SNX8: variants seen among roughly 807,000 people sequenced by gnomAD.
SNX8 encodes sorting nexin-8.
In SNX8, 25 loss-of-function variants were observed where a neutral mutation model predicts 51.6. The observed-to-expected ratio is 0.48, with a 90% confidence interval of 0.35 to 0.68. The LOEUF is 0.68. Ranked by LOEUF, SNX8 falls within the 30% of genes least tolerant of loss-of-function variation. The pLI is 0.00. For synonymous variants in SNX8, 324 were observed against 277.0 expected, an observed-to-expected ratio of 1.17 and a Z score of -1.68; for missense variants, 695 against 624.0, an observed-to-expected ratio of 1.11 and a Z score of -1.21.
upstream of SNX8, chr7:2,314,559 G>T: frequency 4.5e-6 from 4 of 884,432 alleles, no homozygotes; most frequent in Non-Finnish European, 5.6e-6. Context: ...CGCCCCTGCG[G>T]GCCCGCCGCG....
chr7:2,267,940 T>G (rs1448901466), intron 5 of SNX8, among the ~76,000 whole-genome samples: 2 of 111,710 alleles, frequency 1.8e-5, no homozygotes, highest in African/African-American at 3.6e-5. Context: ...TAGTCTGAGA[T>G]GTGGGGAGCG....
chr7:2,299,751 C>T (rs760437915), intron 1 of SNX8, among the ~76,000 whole-genome samples: 1 of 151,980 alleles, frequency 6.6e-6, no homozygotes, highest in African/African-American at 2.4e-5. Flanking sequence ...TCTAGGGTCT[C>T]CTGACATGAA....
At chr7:2,263,788 A>G (rs1584671989) in intron 6 of SNX8, among the ~76,000 whole-genome samples, 1 of 151,774 alleles carries the variant, frequency 6.6e-6, no homozygotes, top group Non-Finnish European at 1.5e-5. Flanking sequence ...ATCTCGGCTC[A>G]CTGCAACCTC....
At chr7:2,306,772 C>T (rs1039622078) in intron 1 of SNX8, among the ~76,000 whole-genome samples, 4 of 152,142 alleles carry the variant, frequency 2.6e-5, no homozygotes, top group Non-Finnish European at 5.9e-5. Context: ...GTGGTTGTAT[C>T]ACTTGTATAA....
At chr7:2,329,631 G>A (rs1027986622) in intron 1 of SNX8, among the ~76,000 whole-genome samples, 24 of 152,156 alleles carry the variant, frequency 1.6e-4, no homozygotes, top group Non-Finnish European at 5.9e-5. Flanking sequence ...CCCAGACTGT[G>A]TCCAGCCCTA....
intron 1 of SNX8, among the ~76,000 whole-genome samples, chr7:2,352,581 C>T (rs1779170173): frequency 6.6e-6 from 1 of 152,054 alleles, no homozygotes; most frequent in Non-Finnish European, 1.5e-5. Flanking sequence ...ACCTGTAATC[C>T]CAGCACTTTG....
At chr7:2,340,331 C>A (rs1778898361) in intron 1 of SNX8, among the ~76,000 whole-genome samples, 1 of 151,756 alleles carries the variant, frequency 6.6e-6, no homozygotes, top group South Asian at 2.1e-4. Context: ...CTTGGCCTCC[C>A]AAAGTGCTGG....
intron 1 of SNX8, among the ~76,000 whole-genome samples, chr7:2,325,941 G>A (rs1373162600): frequency 2.6e-5 from 4 of 151,954 alleles, no homozygotes; most frequent in East Asian, 3.8e-4. Context: ...AAATCTTAGC[G>A]GGAATGTATC....
intron 1 of SNX8, among the ~76,000 whole-genome samples, chr7:2,339,272 C>T (rs1439404140): frequency 6.6e-6 from 1 of 152,106 alleles, no homozygotes; most frequent in Non-Finnish European, 1.5e-5. Context: ...GCGGCACGAT[C>T]TCGGCTCACT....
intron 1 of SNX8, among the ~76,000 whole-genome samples, chr7:2,282,885 G>A (rs1396263723): frequency 1.3e-5 from 2 of 152,182 alleles, no homozygotes; most frequent in Non-Finnish European, 2.9e-5. Context: ...ACTTTGGCAG[G>A]CCGAGGCGGG....
At chr7:2,333,648 G>T (rs1242296256) in intron 1 of SNX8, among the ~76,000 whole-genome samples, 1 of 152,142 alleles carries the variant, frequency 6.6e-6, no homozygotes, top group African/African-American at 2.4e-5. Flanking sequence ...GAACAGAACA[G>T]AAAGCCCAGA....
chr7:2,304,523 G>T (rs886238863), intron 1 of SNX8, among the ~76,000 whole-genome samples: 2 of 151,320 alleles, frequency 1.3e-5, no homozygotes, highest in Non-Finnish European at 2.9e-5. Flanking sequence ...CAGCCTGGGC[G>T]ACAGAGCGAG....
At chr7:2,347,406 A>G (rs1323645573) in intron 1 of SNX8, among the ~76,000 whole-genome samples, 4 of 143,316 alleles carry the variant, frequency 2.8e-5, no homozygotes, top group African/African-American at 1.0e-4. Flanking sequence ...GCTTGAACCT[A>G]GGAGGTGGAG....
intron 1 of SNX8, among the ~76,000 whole-genome samples, chr7:2,324,236 G>A (rs13237564): frequency 6.6e-6 from 1 of 151,670 alleles, no homozygotes; most frequent in Non-Finnish European, 1.5e-5. Flanking sequence ...CTTGAGCCCA[G>A]GAATTCAAAA....
chr7:2,265,121 G>A lies in SNX8; in HGVS notation c.622-663C>T, dbSNP rs139904248. On this transcript the variant is annotated intron_variant, in intron 5 of 10. Coordinates refer to ENST00000222990, the MANE Select transcript of SNX8 (RefSeq NM_013321.4). ...TGTAATCCCAGCACTTTGGGAGGCC[G>A]AGTAGGGCGAATCACGAGGTAAGGA... Among the ~76,000 whole-genome samples, 526 of 152,264 alleles carry A rather than the reference G, an allele frequency of 3.5e-3. 8 individuals are homozygous for A. In the South Asian group the frequency reaches 0.035, roughly 10 times the overall value.
chr7:2,338,234 G>A (rs899171725), intron 1 of SNX8, among the ~76,000 whole-genome samples: 3 of 151,774 alleles, frequency 2.0e-5, no homozygotes, highest in South Asian at 2.1e-4. Context: ...AGGCCGAGGC[G>A]GGCGGATCAC....
intron 1 of SNX8, among the ~76,000 whole-genome samples, chr7:2,310,356 C>A (rs1796636261): frequency 6.6e-6 from 1 of 152,106 alleles, no homozygotes; most frequent in African/African-American, 2.4e-5. Context: ...AGGCTCGGTG[C>A]CTCATGCCTG....
intron 10 of SNX8, among the ~76,000 whole-genome samples, chr7:2,255,454 G>A (rs1311704941): frequency 6.6e-6 from 1 of 152,244 alleles, no homozygotes; most frequent in African/African-American, 2.4e-5. Flanking sequence ...CGTGAGAAAC[G>A]TTACTATCGC....
At chr7:2,255,949 A>T (rs969508754) in intron 10 of SNX8, among the ~76,000 whole-genome samples, 1 of 152,214 alleles carries the variant, frequency 6.6e-6, no homozygotes, top group Non-Finnish European at 1.5e-5. Context: ...GGGGAGGCTG[A>T]GTCACTGGAC....
Sources: gnomAD v4.1 joint callset for allele counts (sites outside exome capture counted in the v4.1 genomes callset) on GRCh38, gnomAD v4.1.1 for gene constraint, MANE v1.5 for transcripts, NCBI Gene and HGNC (gene_info 2026-07-23, HGNC 2026-07-21) for gene names.